HSPA4: variants seen among roughly 807,000 people sequenced by gnomAD.
The protein encoded by HSPA4 is heat shock 70 kDa protein 4.
Under a neutral mutation model 106.2 loss-of-function variants are expected in HSPA4, and 25 were observed. The ratio of observed to expected loss-of-function variants is 0.24; its 90% CI spans 0.17 to 0.33. HSPA4 has a LOEUF of 0.33. HSPA4 is among the 10% of genes least tolerant of loss of function. HSPA4 has a pLI of 1.00. For synonymous variants in HSPA4, 332 were observed against 333.6 expected (o/e 1.00, Z 0.05); for missense variants, 841 against 996.0 (o/e 0.84, Z 2.10).
At chr5:133,067,659 G>T in intron 3 of HSPA4, 102 bp downstream of exon 3, 1 of 999,056 alleles carries the variant, frequency 1.0e-6, no homozygotes. Context: ...CAATGAAAAT[G>T]CTTACAGTTG....
chr5:133,053,208 C>G (rs1404413069), intron 1 of HSPA4, among the ~76,000 whole-genome samples: 1 of 151,866 alleles, frequency 6.6e-6, no homozygotes, highest in Non-Finnish European at 1.5e-5. Flanking sequence ...TCACTCAGGT[C>G]TTTCACTGGT....
At chr5:133,070,988 C>T (rs1765374019) in intron 4 of HSPA4, among the ~76,000 whole-genome samples, 1 of 152,110 alleles carries the variant, frequency 6.6e-6, no homozygotes, top group Non-Finnish European at 1.5e-5. Flanking sequence ...CTTTGTTATT[C>T]TGCCTATTTA....
intron 6 of HSPA4, among the ~76,000 whole-genome samples, chr5:133,075,657 G>T (rs1202818215): frequency 1.3e-5 from 2 of 151,810 alleles, no homozygotes; most frequent in South Asian, 4.2e-4. Context: ...GCAAAACCCC[G>T]TCTCTACAAA....
intron 7 of HSPA4, among the ~76,000 whole-genome samples, chr5:133,079,887 T>A (rs1765492613): frequency 6.6e-6 from 1 of 152,234 alleles, no homozygotes; most frequent in Non-Finnish European, 1.5e-5. Flanking sequence ...ATGTGAATAG[T>A]GTTCCTTAAG....
chr5:133,065,133 A>AGGCCTTGGGAATACAACTGGCAGATAC lies in HSPA4; in HGVS notation c.165+97_165+123dup, dbSNP rs959621447. 5 of 995,462 alleles carry AGGCCTTGGGAATACAACTGGCAGATAC rather than the reference A, an allele frequency of 5.0e-6. No individual in the cohort carries two copies. The African/African-American group carries it at 8.0e-5, about 16-fold the overall frequency. The allele number at this position is 995,462 out of a possible 1,614,324, so 61.7% of individuals were successfully genotyped here. On this transcript the variant is annotated intron_variant, in intron 2 of 18. Transcript: ENST00000304858. Reference sequence around the variant, plus strand: ...TGCCCATTATGTGCCTAACACTGGTAGGCCTTGGGAATACAACTGGCAGAT... The same window carrying AGGCCTTGGGAATACAACTGGCAGATAC: ...TGCCCATTATGTGCCTAACACTGGTAGGCCTTGGGAATACAACTGGCAGATACGGCCTTGGGAATACAACTGGCAGAT...
At chr5:133,070,784 C>T (rs1232721729) in intron 4 of HSPA4, among the ~76,000 whole-genome samples, 2 of 152,100 alleles carry the variant, frequency 1.3e-5, no homozygotes, top group African/African-American at 4.8e-5. Flanking sequence ...CACCTGTAAT[C>T]CCAGCTATTC....
chr5:133,071,624 A>G (rs1394840949), intron 4 of HSPA4, among the ~76,000 whole-genome samples: 1 of 152,120 alleles, frequency 6.6e-6, no homozygotes, highest in Non-Finnish European at 1.5e-5. Flanking sequence ...TCATTCTGTA[A>G]TTGTTACCTG....
intron 13 of HSPA4, 61 bp from the exon 14 acceptor site, chr5:133,096,037 C>T: frequency 1.4e-6 from 2 of 1,426,982 alleles, no homozygotes; most frequent in Admixed American, 2.4e-5. Flanking sequence ...CAACATGACT[C>T]ATTTTGAAGT....
At position 133,103,907 on chromosome 5, in the gene HSPA4, G is replaced by A. The variant is rs552350971; in HGVS notation, c.2200G>A (p.Val734Ile). The A allele has an allele frequency of 1.9e-6, 3 of 1,614,028 alleles. No homozygotes were observed. The highest frequency in any genetic ancestry group is 4.5e-5 in the East Asian group (2 of 44,868). The change falls in exon 18 of 19, where the codon GTA (valine) becomes ATA (isoleucine). Residue 734 changes from valine (V) to isoleucine (I), a missense_variant. Transcript: ENST00000304858. ...DHLDAADMTK[V>I]EKSTNEAMEW... ...TTTGGATGCTGCTGACATGACAAAG[G>A]TAGAAAAAAGCACAAATGAAGCAAT...
chr5:133,072,509 C>G (rs1765396541), intron 4 of HSPA4, among the ~76,000 whole-genome samples: 1 of 150,150 alleles, frequency 6.7e-6, no homozygotes, highest in Non-Finnish European at 1.5e-5. Flanking sequence ...AAGCCTCAAC[C>G]TTTGGAGTAG....
Position 133,091,237 on chromosome 5 carries a change from A to G in HSPA4, c.1423A>G (p.Ser475Gly). ...QKVTPQSDGS[S>G]SKVKVKVRVN... ...AGTCACTCCTCAGTCTGATGGCTCC[A>G]GTTCAAAAGTGAAAGTCAAAGTTCG... The change falls in exon 12 of 19, where the codon AGT becomes GGT. Residue 475 changes from serine to glycine, a missense_variant. Physicochemically the swap from Ser to Gly is moderately conservative, Grantham distance 56. This residue lies in a region of HSPA4 where 162 missense variants were observed against 177.7 expected (regional missense o/e 0.91). Coordinates refer to ENST00000304858, the MANE Select transcript of HSPA4 (RefSeq NM_002154.4). 1 of 1,614,178 alleles carries G rather than the reference A, an allele frequency of 6.2e-7. No homozygotes were observed. Among genetic ancestry groups the G allele is most frequent in the Non-Finnish European group, 8.5e-7 (1 of 1,179,998 alleles).
intron 16 of HSPA4, among the ~76,000 whole-genome samples, chr5:133,100,891 G>T (rs1361400156): frequency 6.6e-6 from 1 of 152,098 alleles, no homozygotes; most frequent in Non-Finnish European, 1.5e-5. Flanking sequence ...CTGCAGCCTC[G>T]ACCTCCCATG....
chr5:133,095,331 T>C (rs372335840), intron 13 of HSPA4, among the ~76,000 whole-genome samples: 15 of 151,708 alleles, frequency 9.9e-5, no homozygotes, highest in African/African-American at 3.6e-4. Flanking sequence ...ACTAGAAGAG[T>C]CAGTTGTTTG....
At chr5:133,071,178 A>T (rs1429805621) in intron 4 of HSPA4, among the ~76,000 whole-genome samples, 4 of 151,566 alleles carry the variant, frequency 2.6e-5, no homozygotes, top group Non-Finnish European at 4.4e-5. Context: ...GTTAAAGACA[A>T]AGGCAAGGAC....
chr5:133,064,615 T>C (rs1440850501), intron 1 of HSPA4, among the ~76,000 whole-genome samples: 1 of 152,164 alleles, frequency 6.6e-6, no homozygotes, highest in African/African-American at 2.4e-5. Context: ...CTTGGTGAAG[T>C]TGTGAGCTGT....
intron 1 of HSPA4, among the ~76,000 whole-genome samples, chr5:133,057,736 C>G (rs1765185898): frequency 6.6e-6 from 1 of 152,080 alleles, no homozygotes; most frequent in African/African-American, 2.4e-5. Context: ...TGAATTAACT[C>G]CGTGCAATTT....
chr5:133,057,224 A>G (rs1765176093), intron 1 of HSPA4, among the ~76,000 whole-genome samples: 2 of 152,174 alleles, frequency 1.3e-5, no homozygotes, highest in Non-Finnish European at 2.9e-5. Context: ...CTCTATTTCC[A>G]TTCTAGTTTT....
At chr5:133,088,335 T>C (rs1765603779) in intron 8 of HSPA4, 69 bp from the exon 9 acceptor site, 13 of 1,151,346 alleles carry the variant, frequency 1.1e-5, no homozygotes, top group Non-Finnish European at 1.6e-5. Context: ...ATCTGAGTTA[T>C]TTCATCATGG....
rs1467817387 is a variant in HSPA4, at chr5:133,052,013, G to T, written c.-238G>T. On this transcript the variant is annotated 5_prime_UTR_variant, in exon 1 of 19. Transcript: ENST00000304858. ...CGCTCTCGTCGCAACGAGATCTTTC[G>T]AGATCTTCTCCGCCCCCGCTACCGG... is the stretch of plus-strand genomic sequence containing the variant. 2 of 545,576 alleles carry T rather than the reference G, an allele frequency of 3.7e-6. No homozygotes were observed. The highest frequency in any genetic ancestry group is 6.6e-5 in the East Asian group (2 of 30,228). 33.8% of individuals were successfully genotyped at this position (545,576 alleles called of 1,614,324 possible).
Sources: gnomAD v4.1 joint callset for allele counts (sites outside exome capture counted in the v4.1 genomes callset) on GRCh38, gnomAD v4.1.1 for gene constraint, gnomAD v4.1.1 regional missense constraint, MANE v1.5 for transcripts, NCBI Gene and HGNC (gene_info 2026-07-23, HGNC 2026-07-21) for gene names.